ROBO2: variants seen among roughly 807,000 people sequenced by gnomAD.
ROBO2 encodes roundabout homolog 2.
ROBO2 carries 53 observed loss-of-function variants against 160.8 expected under a neutral mutation model. That is an observed-to-expected ratio of 0.33 (90% CI 0.26 to 0.41). The LOEUF is 0.41. ROBO2 is among the 10% of genes least tolerant of loss of function. ROBO2 has a pLI of 1.00. For missense variants in ROBO2, 1,577 were observed against 1,722.4 expected, an observed-to-expected ratio of 0.92 and a Z score of 1.49; for synonymous variants, 664 against 611.7, an observed-to-expected ratio of 1.09 and a Z score of -1.26.
intron 2 of ROBO2, among the ~76,000 whole-genome samples, chr3:77,224,476 G>GCACATAA (rs2086228849): frequency 6.6e-6 from 1 of 151,888 alleles, no homozygotes; most frequent in Non-Finnish European, 1.5e-5. Context: ...ACATAATAAA[G>GCACATAA]TACAGAGAAC....
intron 2 of ROBO2, among the ~76,000 whole-genome samples, chr3:76,003,263 C>T (rs1017898130): frequency 6.6e-6 from 1 of 152,208 alleles, no homozygotes; most frequent in Non-Finnish European, 1.5e-5. Flanking sequence ...TAACTACCAA[C>T]ATGCCATATT....
chr3:76,492,872 T>C (rs1165500962), intron 2 of ROBO2, among the ~76,000 whole-genome samples: 4 of 152,186 alleles, frequency 2.6e-5, no homozygotes, highest in African/African-American at 7.2e-5. Context: ...TTTATAACGA[T>C]TTTAAATAGT....
At chr3:77,178,524 G>T (rs1290007182) in intron 2 of ROBO2, among the ~76,000 whole-genome samples, 4 of 151,902 alleles carry the variant, frequency 2.6e-5, no homozygotes, top group Non-Finnish European at 5.9e-5. Context: ...TCAGATTAAT[G>T]AAAAAATACC....
intron 2 of ROBO2, among the ~76,000 whole-genome samples, chr3:76,297,035 G>C (rs568681186): frequency 6.6e-6 from 1 of 152,316 alleles, no homozygotes; most frequent in East Asian, 1.9e-4. Flanking sequence ...ATCTTCTGTA[G>C]CAGAATGTGA....
intron 2 of ROBO2, among the ~76,000 whole-genome samples, chr3:76,894,540 G>T (rs1419862330): frequency 6.6e-6 from 1 of 152,044 alleles, no homozygotes; most frequent in Non-Finnish European, 1.5e-5. Flanking sequence ...AAAATAAACT[G>T]CTGACTGTGT....
intron 2 of ROBO2, among the ~76,000 whole-genome samples, chr3:76,297,056 T>G (rs1709110915): frequency 6.6e-6 from 1 of 152,194 alleles, no homozygotes; most frequent in African/African-American, 2.4e-5. Context: ...GCCATCAGAA[T>G]GAATGGGGTG....
intron 24 of ROBO2, chr3:77,642,861 G>A (rs2095368199): frequency 2.2e-6 from 1 of 456,694 alleles, no homozygotes; most frequent in Non-Finnish European, 4.4e-6. Flanking sequence ...TAGAGTGGCA[G>A]CGACAAACCC....
intron 2 of ROBO2, among the ~76,000 whole-genome samples, chr3:77,411,693 T>C (rs1044043107): frequency 6.6e-6 from 1 of 152,202 alleles, no homozygotes; most frequent in African/African-American, 2.4e-5. Flanking sequence ...TATATGTATA[T>C]TTATGCATAT....
chr3:77,384,594 C>T (rs2073904549), intron 2 of ROBO2, among the ~76,000 whole-genome samples: 1 of 152,060 alleles, frequency 6.6e-6, no homozygotes, highest in African/African-American at 2.4e-5. Context: ...CAAATTGTAC[C>T]TTATTAGTCT....
chr3:76,916,626 A>G (rs1173013818), intron 2 of ROBO2, among the ~76,000 whole-genome samples: 2 of 151,250 alleles, frequency 1.3e-5, no homozygotes, highest in African/African-American at 4.8e-5. Flanking sequence ...GACGAGAGAC[A>G]CCACACTGGG....
At chr3:76,477,605 T>A (rs2078995444) in intron 2 of ROBO2, among the ~76,000 whole-genome samples, 1 of 152,158 alleles carries the variant, frequency 6.6e-6, no homozygotes, top group Non-Finnish European at 1.5e-5. Context: ...CTTAATAACA[T>A]GTCCATTTTT....
chr3:76,833,064 G>T (rs1057039235), intron 2 of ROBO2, among the ~76,000 whole-genome samples: 2 of 152,082 alleles, frequency 1.3e-5, no homozygotes, highest in Non-Finnish European at 2.9e-5. Flanking sequence ...GAATACAAGA[G>T]ACTTGGCCAA....
chr3:76,301,456 G>T (rs1709353050), intron 2 of ROBO2, among the ~76,000 whole-genome samples: 1 of 152,040 alleles, frequency 6.6e-6, no homozygotes, highest in South Asian at 2.1e-4. Context: ...CATTGGTGAA[G>T]AATGTTTGTT....
chr3:76,063,367 G>T (rs1318709572), intron 2 of ROBO2, among the ~76,000 whole-genome samples: 1 of 138,810 alleles, frequency 7.2e-6, no homozygotes, highest in East Asian at 2.1e-4. Context: ...TTTTGAGACA[G>T]AGTCTCACTT....
At chr3:76,772,295 T>C (rs2108509626) in intron 2 of ROBO2, among the ~76,000 whole-genome samples, 1 of 150,976 alleles carries the variant, frequency 6.6e-6, no homozygotes, top group South Asian at 2.1e-4. Flanking sequence ...AAAAACAGAG[T>C]GCTTTCTCAA....
chr3:77,528,577 A>C (rs1203236297), intron 6 of ROBO2, among the ~76,000 whole-genome samples: 1 of 151,664 alleles, frequency 6.6e-6, no homozygotes, highest in Admixed American at 6.6e-5. Flanking sequence ...TTAGTAATTT[A>C]ATATCCCTTA....
intron 2 of ROBO2, among the ~76,000 whole-genome samples, chr3:77,315,063 G>C (rs924349211): frequency 6.6e-6 from 1 of 152,122 alleles, no homozygotes; most frequent in Non-Finnish European, 1.5e-5. Context: ...GGAGAAGAAA[G>C]CTGGATCACA....
intron 2 of ROBO2, among the ~76,000 whole-genome samples, chr3:77,346,931 T>A (rs2067718240): frequency 6.6e-6 from 1 of 152,196 alleles, no homozygotes; most frequent in Admixed American, 6.5e-5. Flanking sequence ...CCTACCTGTA[T>A]AATTCAAGGA....
At chr3:77,631,539 G>A (rs1020922205) in intron 23 of ROBO2, 1 of 151,978 alleles carries the variant, frequency 6.6e-6, no homozygotes, top group Non-Finnish European at 1.5e-5. Context: ...TGAATTAATG[G>A]TATACCAACA....
Sources: allele counts gnomAD v4.1 joint callset (sites outside exome capture counted in the v4.1 genomes callset), GRCh38; gene constraint gnomAD v4.1.1; transcripts MANE v1.5; gene names NCBI Gene and HGNC (gene_info 2026-07-23, HGNC 2026-07-21).